RSBN1L: variants seen among roughly 807,000 people sequenced by gnomAD.
RSBN1L encodes lysine-specific demethylase RSBN1L.
RSBN1L carries 30 observed loss-of-function variants against 67.7 expected under a neutral mutation model. That is an observed-to-expected ratio of 0.44 (90% CI 0.33 to 0.60). The LOEUF is 0.60. Ranked by LOEUF, RSBN1L falls within the 20% of genes least tolerant of loss-of-function variation. RSBN1L has a pLI of 0.02. For missense variants in RSBN1L, 992 were observed against 1,031.7 expected (o/e 0.96, Z 0.53); for synonymous variants, 433 against 387.0 (o/e 1.12, Z -1.39).
Position 77,709,198 on chromosome 7 carries a change from ATGTATG to A in RSBN1L, c.586+12159_586+12164del, listed in dbSNP as rs1554337044. 6.6e-4 allele frequency among the ~76,000 whole-genome samples: 42 copies of A among 63,714 alleles called. No individual in the cohort carries two copies. In the East Asian group the frequency reaches 8.2e-3, roughly 12 times the overall value. 41.8% of individuals were successfully genotyped at this position (63,714 alleles called of 152,430 possible). A position where few individuals can be genotyped will look rare whatever the true frequency, so the allele number is the denominator to read the frequency against. On this transcript the variant is annotated intron_variant, in intron 1 of 7. Transcript: ENST00000334955. ...TGTGTGTGTGTGTGTGTGTGTGTGT[ATGTATG>A]TGTATGTGTATGTGTGTCTGCCTGC...
intron 1 of RSBN1L, among the ~76,000 whole-genome samples, chr7:77,703,767 C>T (rs988271079): frequency 6.6e-6 from 1 of 151,964 alleles, no homozygotes; most frequent in East Asian, 1.9e-4. Flanking sequence ...GGATTACAGG[C>T]GTGAGCCACC....
At chr7:77,756,277 G>A (rs1029350393) in intron 3 of RSBN1L, among the ~76,000 whole-genome samples, 2 of 151,818 alleles carry the variant, frequency 1.3e-5, no homozygotes, top group Non-Finnish European at 2.9e-5. Context: ...GACTGCAGAC[G>A]CGTACCACCA....
chr7:77,725,243 A>AATTTTTTTTTTTTTTTTTTTTTT (rs1554338354), intron 1 of RSBN1L, among the ~76,000 whole-genome samples: 15 of 57,890 alleles, frequency 2.6e-4, no homozygotes, highest in African/African-American at 1.2e-3. Context: ...TAAGCCCCCC[A>AATTTTTTTTTTTTTTTTTTTTTT]CTTTTTTTTT....
In RSBN1L at chr7:77,765,578, A is replaced by G. The variant is rs376016083; in HGVS notation, c.1428A>G (p.Val476=). The change falls in exon 4 of 8, where the codon GTA becomes GTG. Residue 476 remains valine (V), a synonymous_variant. Transcript: ENST00000334955. ...TGGTGGGAGCAGTTGATGAAGAAGT[A>G]GGAGATTATTTCCCTGAGTTCCTTG... The part of the protein sequence containing the change: ...ISLVGAVDEE[V]GDYFPEFLDM... 6 of 1,610,712 alleles carry G rather than the reference A, an allele frequency of 3.7e-6. No individual in the cohort carries two copies. The Middle Eastern group carries it at 5.0e-4, about 133-fold the overall frequency.
chr7:77,724,618 G>T (rs1252956601), intron 1 of RSBN1L, among the ~76,000 whole-genome samples: 1 of 151,266 alleles, frequency 6.6e-6, no homozygotes, highest in African/African-American at 2.4e-5. Context: ...TAGAGATGGG[G>T]TTTCACCCTG....
intron 1 of RSBN1L, among the ~76,000 whole-genome samples, chr7:77,710,409 C>A (rs952687400): frequency 6.6e-6 from 1 of 152,088 alleles, no homozygotes; most frequent in Admixed American, 6.6e-5. Flanking sequence ...TGCTCCTCGC[C>A]GCCTAGAACT....
chr7:77,746,965 G>A (rs999618968), intron 2 of RSBN1L, among the ~76,000 whole-genome samples: 2 of 152,166 alleles, frequency 1.3e-5, no homozygotes, highest in African/African-American at 4.8e-5. Flanking sequence ...GGCTGTGTAG[G>A]GTTCAGCCCC....
chr7:77,738,584 C>T (rs1441296433), intron 2 of RSBN1L, among the ~76,000 whole-genome samples: 1 of 152,126 alleles, frequency 6.6e-6, no homozygotes, highest in East Asian at 1.9e-4. Flanking sequence ...CAGGTACTTA[C>T]TACTGAGTAG....
intron 6 of RSBN1L, 108 bp from the exon 7 acceptor site, chr7:77,778,230 G>T: frequency 1.5e-6 from 1 of 671,588 alleles, no homozygotes. Flanking sequence ...TTATTTGTAA[G>T]ACAGTACTAT....
chr7:77,714,455 C>G (rs1371350948), intron 1 of RSBN1L, among the ~76,000 whole-genome samples: 2 of 152,168 alleles, frequency 1.3e-5, no homozygotes, highest in African/African-American at 4.8e-5. Context: ...TTGAATCATA[C>G]ACTAGCTTTT....
chr7:77,732,627 C>A (rs976407828), intron 1 of RSBN1L, among the ~76,000 whole-genome samples: 1 of 152,158 alleles, frequency 6.6e-6, no homozygotes, highest in Non-Finnish European at 1.5e-5. Context: ...AGCCACCACA[C>A]CCAGCCTAGA....
rs979968914 is a variant in RSBN1L at position 77,781,688 on chromosome 7, A to T, written c.*2520A>T. ...TATAATATGAAAATTTAATTGTTTT[A>T]AAAATGCATACATCGGCCGGGTGCA... On this transcript the variant is annotated 3_prime_UTR_variant, in exon 8 of 8. Coordinates refer to ENST00000334955, the MANE Select transcript of RSBN1L (RefSeq NM_198467.3). The T allele has an allele frequency of 6.6e-6, 1 of 152,212 alleles. No homozygotes were observed. Among genetic ancestry groups the T allele is most frequent in the Non-Finnish European group, 1.5e-5 (1 of 68,036 alleles). 9.4% of individuals were successfully genotyped at this position (152,212 alleles called of 1,614,324 possible). A position where few individuals can be genotyped will look rare whatever the true frequency, so the allele number is the denominator to read the frequency against.
At chr7:77,735,100 AAT>A (rs1791316672) in intron 1 of RSBN1L, among the ~76,000 whole-genome samples, 1 of 151,908 alleles carries the variant, frequency 6.6e-6, no homozygotes, top group African/African-American at 2.4e-5. Context: ...AGGTGAAAGT[AAT>A]GTCTTTTAAT....
chr7:77,745,319 A>C (rs1791468191), intron 2 of RSBN1L, among the ~76,000 whole-genome samples: 1 of 152,070 alleles, frequency 6.6e-6, no homozygotes, highest in African/African-American at 2.4e-5. Context: ...TATAAGCCTC[A>C]GGTAGTCTGT....
intron 1 of RSBN1L, among the ~76,000 whole-genome samples, chr7:77,710,517 T>G (rs1790958179): frequency 6.6e-6 from 1 of 152,220 alleles, no homozygotes; most frequent in Non-Finnish European, 1.5e-5. Context: ...GAGGGAGGCC[T>G]GTGCTCCTCT....
intron 1 of RSBN1L, among the ~76,000 whole-genome samples, chr7:77,723,921 T>C (rs56274768): frequency 0.42 from 63,746 of 150,942 alleles, 13,793 homozygotes; most frequent in African/African-American, 0.51. Context: ...GACACAAGAG[T>C]GAAACTCTGT....
At chr7:77,752,645 A>C (rs1791569328) in intron 3 of RSBN1L, among the ~76,000 whole-genome samples, 1 of 152,152 alleles carries the variant, frequency 6.6e-6, no homozygotes, top group African/African-American at 2.4e-5. Flanking sequence ...TATTTAGTAA[A>C]CTTTTTATTG....
intron 1 of RSBN1L, among the ~76,000 whole-genome samples, chr7:77,717,178 A>G (rs767944725): frequency 1.3e-5 from 2 of 151,228 alleles, no homozygotes; most frequent in Non-Finnish European, 2.9e-5. Flanking sequence ...CCTGGACTCA[A>G]GGAATCCTCT....
At chr7:77,724,166 A>T (rs903258158) in intron 1 of RSBN1L, among the ~76,000 whole-genome samples, 4 of 152,126 alleles carry the variant, frequency 2.6e-5, no homozygotes, top group Non-Finnish European at 4.4e-5. Context: ...AGTGAGGTAG[A>T]ACAGCACTTG....
Sources: allele counts gnomAD v4.1 joint callset (sites outside exome capture counted in the v4.1 genomes callset), GRCh38; gene constraint gnomAD v4.1.1; transcripts MANE v1.5; gene names NCBI Gene and HGNC (gene_info 2026-07-23, HGNC 2026-07-21).